Variants in NEB observed in about 807,000 individuals in gnomAD.
The protein encoded by NEB is nebulin.
NEB carries 512 observed loss-of-function variants against 952.2 expected under a neutral mutation model. The observed-to-expected ratio is 0.54, with a 90% CI of 0.50 to 0.58. The LOEUF (loss-of-function observed/expected upper bound fraction) is 0.58. NEB is among the 20% of genes least tolerant of loss of function. NEB has a pLI of 0.00. For synonymous variants in NEB, 2,900 were observed against 3,149.8 expected (o/e 0.92, Z 2.66); for missense variants, 8,428 against 9,231.1 (o/e 0.91, Z 3.56).
rs759419548 is a variant in NEB, at chr2:151,612,275, G to A, written c.11716C>T (p.Arg3906Cys). The A allele has an allele frequency of 1.4e-5, 22 of 1,613,698 alleles. No individual in the cohort carries two copies. Among genetic ancestry groups the A allele is most frequent in the African/African-American group, 9.3e-5 (7 of 74,912 alleles). The change falls in exon 78 of 182, where the codon CGC becomes TGC. Residue 3906 changes from arginine to cysteine, a missense_variant. Arg to Cys is a radical substitution (Grantham distance 180, BLOSUM62 -3). Around this residue, in one of 11 missense-constraint regions of NEB, gnomAD observed 337 missense variants for 297.5 expected, o/e 1.13. Transcript: ENST00000397345. The part of the protein sequence containing the change: ...AGEILSDRKY[R>C]QPADQLKFTC... Reference sequence around the variant, plus strand: ...AATTTGAGCTGGTCTGCAGGCTGGCGATACTTCCTGTCACTCAGGATTTCT... The same window carrying A: ...AATTTGAGCTGGTCTGCAGGCTGGCAATACTTCCTGTCACTCAGGATTTCT...
rs750215416 is a variant in NEB at position 151,567,290 on chromosome 2, C to T, written c.18034G>A (p.Ala6012Thr). 1.6e-5 allele frequency: 26 copies of T among 1,613,776 alleles called. No individual in the cohort carries two copies. Among genetic ancestry groups the T allele is most frequent in the East Asian group, 2.2e-5 (1 of 44,884 alleles). Reference sequence around the variant, plus strand: ...CTGACAAGGGTCTGCCCCTGCTTGGCGGCCAAGACTGACACCATATCAGCA... The same window carrying T: ...CTGACAAGGGTCTGCCCCTGCTTGGTGGCCAAGACTGACACCATATCAGCA... Reference protein sequence around the residue: ...IPADMVSVLAAKQGQTLVSDI... With the variant: ...IPADMVSVLATKQGQTLVSDI... The change falls in exon 114 of 182, where the codon GCC becomes ACC. Residue 6012 changes from alanine (A) to threonine (T), a missense_variant. Physicochemically the swap from Ala to Thr is moderately conservative, Grantham distance 58. Around this residue, in one of 11 missense-constraint regions of NEB, gnomAD observed 3,374 missense variants for 3,651.5 expected, o/e 0.92. Coordinates refer to ENST00000397345, the MANE Select transcript of NEB (RefSeq NM_001164508.2).
chr2:151,545,230 G>T (rs1008771806), intron 135 of NEB, among the ~76,000 whole-genome samples: 1 of 152,298 alleles, frequency 6.6e-6, no homozygotes. Flanking sequence ...AGGAATTAAA[G>T]AGAAAGAAAA....
Position 151,485,681 on chromosome 2 carries a change from GT to G in NEB, c.*78del. ...AACCATAGGCAGCTTGAGAACTTAG[GT>G]AACAGTGGAGAGTCTAAACCGAAAC... On this transcript the variant is annotated 3_prime_UTR_variant, in exon 182 of 182. Transcript: ENST00000397345. 1 of 1,356,444 alleles carries G rather than the reference GT, an allele frequency of 7.4e-7. No individual in the cohort carries two copies. Among genetic ancestry groups the G allele is most frequent in the Non-Finnish European group, 1.0e-6 (1 of 1,002,596 alleles). 84.0% of individuals were successfully genotyped at this position (1,356,444 alleles called of 1,614,324 possible). A position where few individuals can be genotyped will look rare whatever the true frequency, so the allele number is the denominator to read the frequency against.
chr2:151,657,845 G>A (rs972951801), intron 48 of NEB, 138 bp downstream of exon 48: 5 of 655,854 alleles, frequency 7.6e-6, no homozygotes, highest in African/African-American at 7.6e-5. Context: ...AAACACAAAA[G>A]CAAGGTTAAG....
chr2:151,635,418 G>A (rs1293656423), intron 64 of NEB, among the ~76,000 whole-genome samples: 1 of 152,090 alleles, frequency 6.6e-6, no homozygotes, highest in African/African-American at 2.4e-5. Context: ...AAATGGCTAG[G>A]AGCTATTGCT....
Position 151,687,624 on chromosome 2 carries a change from A to C in NEB, c.2523+2T>G. On this transcript the variant is annotated splice_donor_variant, in intron 26 of 181. Transcript: ENST00000397345. LOFTEE classifies it high-confidence loss of function. ...GTCCCCAGGTCCCCAGGCCACACTC[A>C]CATCGCTGGTGTTCTTGGTGTTGGC... 1 of 1,613,126 alleles carries C rather than the reference A, an allele frequency of 6.2e-7. No homozygotes were observed.
At position 151,534,861 on chromosome 2, in the gene NEB, G is replaced by T. The variant is rs150145955; in HGVS notation, c.21312+830C>A. On this transcript the variant is annotated intron_variant, in intron 142 of 181. Coordinates refer to ENST00000397345, the MANE Select transcript of NEB (RefSeq NM_001164508.2). ...GTAATTCTTCAGGGTTGTCCAGTCT[G>T]GAAATCTACTGAAAGTGAACTGAAT... Among the ~76,000 whole-genome samples, 217 of 152,186 alleles carry T rather than the reference G, an allele frequency of 1.4e-3. 2 individuals carry two copies. The East Asian group carries it at 0.037, about 26-fold the overall frequency.
Position 151,551,834 on chromosome 2 carries a change from G to A in NEB, c.19848C>T (p.His6616=), listed in dbSNP as rs910831381. ...CTCTGACACTGTGCACATAGTCATA[G>A]TGGTAGACAGCCTGGTGCAGAAAGA... ...SGKQLSDAVY[H]YDYVHSVRGK... is the part of the protein sequence containing the mutation. The change falls in exon 129 of 182, where the codon CAC becomes CAT. Residue 6616 remains histidine (H), a synonymous_variant. Transcript: ENST00000397345. 6.2e-7 allele frequency: 1 copy of A among 1,611,458 alleles called. No homozygotes were observed.
chr2:151,609,326 C>G (rs1426793951), intron 81 of NEB, among the ~76,000 whole-genome samples: 1 of 152,060 alleles, frequency 6.6e-6, no homozygotes, highest in Non-Finnish European at 1.5e-5. Flanking sequence ...GACCTGAGAT[C>G]TCACATGATT....
intron 11 of NEB, among the ~76,000 whole-genome samples, chr2:151,710,016 G>C (rs896991758): frequency 1.3e-5 from 2 of 152,142 alleles, no homozygotes; most frequent in Non-Finnish European, 2.9e-5. Context: ...GATCTCTTAA[G>C]GGCCAGGAGC....
Position 151,692,133 on chromosome 2 carries a change from A to G in NEB, c.2032T>C (p.Leu678=), listed in dbSNP as rs774684803. Residue 678 remains leucine (L), a synonymous_variant, in exon 22 of 182, where the codon TTG becomes CTG. Coordinates refer to ENST00000397345, the MANE Select transcript of NEB (RefSeq NM_001164508.2). The part of the protein sequence containing the change: ...RYKDLYVKDV[L]GHYVGSMEDP... Reference sequence around the variant, plus strand: ...TCCATGCTGCCTACATAATGTCCCAAAACATCCTTTACATATAAGTCTTTA... The same window carrying G: ...TCCATGCTGCCTACATAATGTCCCAGAACATCCTTTACATATAAGTCTTTA... The G allele has an allele frequency of 6.2e-7, 1 of 1,613,972 alleles. No homozygotes were observed. The highest frequency in any genetic ancestry group is 1.1e-5 in the South Asian group (1 of 91,082).
chr2:151,541,726 T>C (rs1389920070), intron 135 of NEB, among the ~76,000 whole-genome samples, 175 bp from the exon 136 acceptor site: 5 of 152,204 alleles, frequency 3.3e-5, no homozygotes. Flanking sequence ...CTTTTCTTTT[T>C]TCCCTTGTGT....
At chr2:151,661,737 C>T (rs538665334) in intron 46 of NEB, among the ~76,000 whole-genome samples, 2 of 152,132 alleles carry the variant, frequency 1.3e-5, no homozygotes, top group Non-Finnish European at 2.9e-5. Flanking sequence ...TAATCTTGGA[C>T]TTTTCTTTGA....
Position 151,692,393 on chromosome 2 carries a change from A to G in NEB, c.1897-31T>C. On this transcript the variant is annotated intron_variant, in intron 20 of 181. Coordinates refer to ENST00000397345, the MANE Select transcript of NEB (RefSeq NM_001164508.2). The stretch of plus-strand genomic sequence containing the variant: ...AAAGGAAAAATAAATTAAACCAAAA[A>G]GAAAGAAATATATATCTCATAAAGT... The G allele has an allele frequency of 3.4e-6, 5 of 1,478,406 alleles. No individual in the cohort carries two copies. The African/African-American group carries it at 4.2e-5, about 12-fold the overall frequency. The allele number at this position is 1,478,406 out of a possible 1,614,324, so 91.6% of individuals were successfully genotyped here. A position where few individuals can be genotyped will look rare whatever the true frequency, so the allele number is the denominator to read the frequency against.
At chr2:151,681,272 A>C (rs2099412322) in intron 29 of NEB, among the ~76,000 whole-genome samples, 1 of 152,236 alleles carries the variant, frequency 6.6e-6, no homozygotes. Flanking sequence ...CGGTTGAGGA[A>C]GGAGGAATTG....
intron 10 of NEB, among the ~76,000 whole-genome samples, chr2:151,710,935 A>G (rs2099743203): frequency 6.6e-6 from 1 of 152,206 alleles, no homozygotes; most frequent in Non-Finnish European, 1.5e-5. Context: ...AGCTTTACAA[A>G]CACTCCTAGT....
intron 107 of NEB, among the ~76,000 whole-genome samples, chr2:151,571,046 C>T (rs572204300): frequency 1.3e-5 from 2 of 152,182 alleles, no homozygotes; most frequent in South Asian, 4.2e-4. Flanking sequence ...GCTCTTGTTG[C>T]CCAGGCTGGA....
At chr2:151,690,653 G>T in intron 24 of NEB, 74 bp downstream of exon 24, 1 of 1,038,274 alleles carries the variant, frequency 9.6e-7, no homozygotes, top group Non-Finnish European at 1.5e-6. Flanking sequence ...TGAAGATTAA[G>T]CATGTAAATG....
intron 63 of NEB, among the ~76,000 whole-genome samples, chr2:151,637,873 G>A (rs2098792158): frequency 6.6e-6 from 1 of 152,184 alleles, no homozygotes; most frequent in African/African-American, 2.4e-5. Flanking sequence ...TAAAATTACA[G>A]TCTCACTTCC....
Sources: gnomAD v4.1 joint callset for allele counts (sites outside exome capture counted in the v4.1 genomes callset) on GRCh38, gnomAD v4.1.1 for gene constraint, gnomAD v4.1.1 regional missense constraint, MANE v1.5 for transcripts, NCBI Gene and HGNC (gene_info 2026-07-23, HGNC 2026-07-21) for gene names.